Variants in ZNF385D observed in about 807,000 individuals in gnomAD.
The protein encoded by ZNF385D is zinc finger protein 659.
In ZNF385D, 15 loss-of-function variants were observed where a neutral mutation model predicts 35.8. That is an observed-to-expected ratio of 0.42 (90% CI 0.28 to 0.64). ZNF385D has a LOEUF of 0.64. Ranked by LOEUF, ZNF385D falls within the 30% of genes least tolerant of loss-of-function variation. The pLI is 0.23. For synonymous variants in ZNF385D, 212 were observed against 186.8 expected (o/e 1.13, Z -1.10); for missense variants, 474 against 494.6 (o/e 0.96, Z 0.39).
intron 2 of ZNF385D, among the ~76,000 whole-genome samples, chr3:21,567,169 T>TTCAAG (rs1418145832): frequency 6.6e-6 from 1 of 152,230 alleles, no homozygotes; most frequent in Non-Finnish European, 1.5e-5. Context: ...CTTTGATCTT[T>TTCAAG]TCAAGTCTGA....
chr3:21,972,447 A>G (rs182062085), intron 3 of ZNF385D, among the ~76,000 whole-genome samples: 1 of 152,082 alleles, frequency 6.6e-6, no homozygotes, highest in East Asian at 1.9e-4. Flanking sequence ...TACTAAGAGG[A>G]AAGTTTATAG....
intron 2 of ZNF385D, among the ~76,000 whole-genome samples, chr3:22,336,986 C>G (rs1575146198): frequency 7.1e-6 from 1 of 140,642 alleles, no homozygotes; most frequent in Non-Finnish European, 1.5e-5. Context: ...TTAGTGAACA[C>G]CTCTACTAGT....
chr3:22,110,959 A>G (rs1273544405), intron 3 of ZNF385D, among the ~76,000 whole-genome samples: 1 of 151,930 alleles, frequency 6.6e-6, no homozygotes. Context: ...TGATTTTGAA[A>G]AGTGATGTCT....
At chr3:22,038,101 G>T (rs1460685225) in intron 3 of ZNF385D, among the ~76,000 whole-genome samples, 1 of 152,152 alleles carries the variant, frequency 6.6e-6, no homozygotes, top group South Asian at 2.1e-4. Context: ...AGACTTAAAT[G>T]TTAGGCACAT....
In ZNF385D at chr3:21,988,395, C is replaced by G. The variant is rs541162440; in HGVS notation, c.325+180422G>C. ...TTAGTTTTCCTTCTAACAGACAGGA[C>G]CCTCAGCTGCAGGTCTGTTGGAATA... On this transcript the variant is annotated intron_variant, in intron 3 of 5. Transcript: ENST00000494108. Among the ~76,000 whole-genome samples, 257 of 128,396 alleles carry G rather than the reference C, an allele frequency of 2.0e-3. 2 individuals carry two copies. Among genetic ancestry groups the G allele is most frequent in the Middle Eastern group, 0.011 (3 of 278 alleles). 84.2% of individuals were successfully genotyped at this position (128,396 alleles called of 152,430 possible).
intron 3 of ZNF385D, among the ~76,000 whole-genome samples, chr3:22,167,760 A>G (rs1241936078): frequency 6.6e-6 from 1 of 152,210 alleles, no homozygotes; most frequent in African/African-American, 2.4e-5. Flanking sequence ...ATAGAATTTA[A>G]TAGTTCTCAA....
intron 2 of ZNF385D, among the ~76,000 whole-genome samples, chr3:21,617,773 C>T (rs938716131): frequency 2.6e-5 from 4 of 152,038 alleles, no homozygotes; most frequent in East Asian, 3.9e-4. Context: ...GCCCTTGGTA[C>T]GATGTTTGAG....
chr3:21,647,081 ATT>A (rs1183013853), intron 2 of ZNF385D, among the ~76,000 whole-genome samples: 3 of 152,198 alleles, frequency 2.0e-5, no homozygotes, highest in Admixed American at 1.3e-4. Flanking sequence ...TTAATATTAT[ATT>A]TACAGACAAT....
intron 3 of ZNF385D, among the ~76,000 whole-genome samples, chr3:21,963,030 C>G (rs1259925433): frequency 6.6e-6 from 1 of 152,168 alleles, no homozygotes; most frequent in African/African-American, 2.4e-5. Flanking sequence ...AAACAGTAGC[C>G]TTGCTTGGAG....
chr3:21,916,315 C>T (rs1219688436), intron 3 of ZNF385D, among the ~76,000 whole-genome samples: 2 of 151,978 alleles, frequency 1.3e-5, no homozygotes, highest in Non-Finnish European at 2.9e-5. Context: ...GTATTTGAAT[C>T]TTATTTTACT....
At chr3:22,077,079 C>T (rs1031792906) in intron 3 of ZNF385D, among the ~76,000 whole-genome samples, 1 of 151,718 alleles carries the variant, frequency 6.6e-6, no homozygotes, top group Non-Finnish European at 1.5e-5. Context: ...CCCATAATAA[C>T]CATATTTAAG....
At chr3:22,044,878 A>C (rs539933346) in intron 3 of ZNF385D, among the ~76,000 whole-genome samples, 2 of 152,224 alleles carry the variant, frequency 1.3e-5, no homozygotes, top group African/African-American at 4.8e-5. Flanking sequence ...AGAGATGATG[A>C]ATGTGAAACT....
chr3:22,062,127 T>A (rs1699720174), intron 3 of ZNF385D, among the ~76,000 whole-genome samples: 1 of 152,158 alleles, frequency 6.6e-6, no homozygotes, highest in African/African-American at 2.4e-5. Context: ...AGCCTCGACC[T>A]CCTAAGCTCA....
chr3:22,132,046 A>G (rs1703828950), intron 3 of ZNF385D, among the ~76,000 whole-genome samples: 1 of 152,164 alleles, frequency 6.6e-6, no homozygotes, highest in Admixed American at 6.6e-5. Flanking sequence ...CATTTTGTTC[A>G]TCAATTGATA....
intron 3 of ZNF385D, among the ~76,000 whole-genome samples, chr3:21,990,624 ACT>A (rs1191373333): frequency 1.4e-4 from 21 of 152,298 alleles, no homozygotes; most frequent in East Asian, 3.9e-4. Flanking sequence ...CTAAATAATA[ACT>A]CTATCTGGCA....
At chr3:21,685,393 A>C (rs1439849620) in intron 1 of ZNF385D, among the ~76,000 whole-genome samples, 2 of 152,222 alleles carry the variant, frequency 1.3e-5, no homozygotes, top group Non-Finnish European at 2.9e-5. Context: ...AATATGGTAC[A>C]GCCTAAGAGT....
intron 1 of ZNF385D, among the ~76,000 whole-genome samples, chr3:21,702,660 T>C (rs1265477928): frequency 6.6e-6 from 1 of 152,188 alleles, no homozygotes; most frequent in East Asian, 1.9e-4. Flanking sequence ...CCTTTGAAAA[T>C]GGAATGCCTT....
At chr3:22,329,326 T>C (rs1694828178) in intron 2 of ZNF385D, among the ~76,000 whole-genome samples, 1 of 152,168 alleles carries the variant, frequency 6.6e-6, no homozygotes, top group African/African-American at 2.4e-5. Flanking sequence ...ATATTTTTCC[T>C]CACCAATTTA....
rs971224066 is a variant in ZNF385D, at chr3:22,033,992, C to T, written c.325+134825G>A. 3.9e-5 allele frequency among the ~76,000 whole-genome samples: 6 copies of T among 152,156 alleles called. 1 individual carries two copies. The highest frequency in any genetic ancestry group is 3.9e-4 in the Admixed American group (6 of 15,278). ...CCTGAGACGGTTTGCTTAGGACAGTCCCTTTTTTAAAACGTAAAGTCCTGC... is the reference window on the plus strand; with the variant it reads ...CCTGAGACGGTTTGCTTAGGACAGTTCCTTTTTTAAAACGTAAAGTCCTGC... On this transcript the variant is annotated intron_variant, in intron 3 of 5. Coordinates refer to the ZNF385D transcript ENST00000494108.
Sources: allele counts gnomAD v4.1 joint callset (sites outside exome capture counted in the v4.1 genomes callset), GRCh38; gene constraint gnomAD v4.1.1; transcripts MANE v1.5; gene names NCBI Gene and HGNC (gene_info 2026-07-23, HGNC 2026-07-21).